CDH7: variants seen among roughly 807,000 people sequenced by gnomAD.
The protein encoded by CDH7 is cadherin 7, also known as cadherin-7.
A neutral mutation model predicts 71.8 loss-of-function variants in CDH7; 25 were observed. That is an observed-to-expected ratio of 0.35 (90% CI 0.25 to 0.49). The LOEUF (loss-of-function observed/expected upper bound fraction) is 0.49, where lower values mean the gene tolerates loss of function less well. Ranked by LOEUF, CDH7 falls within the 20% of genes least tolerant of loss-of-function variation. The pLI is 0.99. For synonymous variants in CDH7, 381 were observed against 363.8 expected, an observed-to-expected ratio of 1.05 and a Z score of -0.54; for missense variants, 862 against 974.6, an observed-to-expected ratio of 0.88 and a Z score of 1.54.
chr18:65,848,888 G>T (rs762940818), intron 7 of CDH7, among the ~76,000 whole-genome samples: 9 of 152,104 alleles, frequency 5.9e-5, no homozygotes, highest in Non-Finnish European at 1.2e-4. Flanking sequence ...CATAAAAAGT[G>T]ATAATATTAT....
intron 2 of CDH7, among the ~76,000 whole-genome samples, chr18:65,790,084 G>A (rs944783916): frequency 6.6e-6 from 1 of 151,790 alleles, no homozygotes; most frequent in Non-Finnish European, 1.5e-5. Flanking sequence ...AAAAAAATTA[G>A]CCGGGCATGG....
intron 2 of CDH7, among the ~76,000 whole-genome samples, chr18:65,797,896 G>C (rs1005247201): frequency 1.3e-5 from 2 of 152,016 alleles, no homozygotes; most frequent in Non-Finnish European, 2.9e-5. Context: ...TTCTTTTTAG[G>C]CCAGTGGCTC....
In CDH7 at chr18:65,838,324, T is replaced by G. The variant is rs569986534; in HGVS notation, c.982-5488T>G. ...CTTAGGAAAAAAGATTTACATTTAT[T>G]TGTTCAAGAAGTAGGGAAAAGCTAC... On this transcript the variant is annotated intron_variant, in intron 6 of 11. Transcript: ENST00000397968. Among the ~76,000 whole-genome samples, 13 of 152,322 alleles carry G rather than the reference T, an allele frequency of 8.5e-5. No homozygotes were observed. The East Asian group carries it at 2.5e-3, about 29-fold the overall frequency.
chr18:65,826,874 C>T (rs1912151044), intron 6 of CDH7, among the ~76,000 whole-genome samples: 1 of 151,010 alleles, frequency 6.6e-6, no homozygotes, highest in South Asian at 2.1e-4. Flanking sequence ...GTTCAAATTT[C>T]GTGTATTGTT....
chr18:65,864,120 A>T (rs1316884248), intron 11 of CDH7: 2 of 152,228 alleles, frequency 1.3e-5, no homozygotes, highest in Non-Finnish European at 2.9e-5. Flanking sequence ...TTTGCATAGA[A>T]CTTTACACAG....
chr18:65,849,683 G>T (rs1257665377), intron 7 of CDH7, among the ~76,000 whole-genome samples: 1 of 151,554 alleles, frequency 6.6e-6, no homozygotes, highest in Non-Finnish European at 1.5e-5. Flanking sequence ...AAAGTGCTGG[G>T]ATTACAGGTA....
chr18:65,805,901 A>T (rs1911300105), intron 2 of CDH7, among the ~76,000 whole-genome samples: 1 of 112,750 alleles, frequency 8.9e-6, no homozygotes. Context: ...AGGCAATGTG[A>T]GTTATTAAAA....
In CDH7 at chr18:65,809,903, C is replaced by T. The variant is rs1419693603; in HGVS notation, c.410C>T (p.Ser137Leu). Residue 137 changes from serine to leucine, a missense_variant, in exon 3 of 12, where the codon TCG becomes TTG. Physicochemically the swap from Ser to Leu is moderately radical, Grantham distance 145. Coordinates refer to ENST00000397968, the MANE Select transcript of CDH7 (RefSeq NM_004361.5). Reference protein sequence around the residue: ...RLTNKPVEPESEFVIKIQDIN... With the variant: ...RLTNKPVEPELEFVIKIQDIN... The stretch of plus-strand genomic sequence containing the variant: ...ACCAACAAACCCGTGGAGCCCGAGT[C>T]GGAGTTTGTCATCAAAATTCAGGAT... The T allele has an allele frequency of 6.2e-7, 1 of 1,613,954 alleles. No homozygotes were observed.
chr18:65,829,627 C>T (rs1055618107), intron 6 of CDH7, among the ~76,000 whole-genome samples: 5 of 151,992 alleles, frequency 3.3e-5, no homozygotes, highest in African/African-American at 1.2e-4. Context: ...CCTCCCCCTG[C>T]CTGTTGACTC....
intron 2 of CDH7, among the ~76,000 whole-genome samples, chr18:65,781,487 A>G (rs1439362336): frequency 6.6e-6 from 1 of 152,184 alleles, no homozygotes; most frequent in African/African-American, 2.4e-5. Flanking sequence ...TACACAGAAT[A>G]TTTTGTATAC....
Position 65,780,020 on chromosome 18 carries a change from A to G in CDH7, c.210+16968A>G, listed in dbSNP as rs1285819771. ...TCTAACTGGTGTGAGATTATATCTC[A>G]TAGTGGTTTTGATTTGCATCTCTCT... On this transcript the variant is annotated intron_variant, in intron 2 of 11. Coordinates refer to ENST00000397968, the MANE Select transcript of CDH7 (RefSeq NM_004361.5). Among the ~76,000 whole-genome samples, 16 of 110,828 alleles carry G rather than the reference A, an allele frequency of 1.4e-4. 4 individuals are homozygous for G. Among genetic ancestry groups the G allele is most frequent in the Admixed American group, 1.3e-3 (16 of 12,598 alleles). 72.7% of individuals were successfully genotyped at this position (110,828 alleles called of 152,430 possible).
chr18:65,763,035 C>A lies in CDH7; in HGVS notation c.193C>A (p.Pro65Thr). The change falls in exon 2 of 12, where the codon CCC becomes ACC. Residue 65 changes from proline (P) to threonine (T), a missense_variant. Physicochemically the swap from Pro to Thr is conservative, Grantham distance 38. Coordinates refer to ENST00000397968, the MANE Select transcript of CDH7 (RefSeq NM_004361.5). ...FVLEEYMGSD[P>T]LYVGKLHSDV... ...GCTGGAGGAATACATGGGTTCAGACCCCCTCTATGTAGGAAAGGTAGGGTA... is the reference window on the plus strand; with the variant it reads ...GCTGGAGGAATACATGGGTTCAGACACCCTCTATGTAGGAAAGGTAGGGTA... The A allele has an allele frequency of 6.2e-7, 1 of 1,611,824 alleles. No homozygotes were observed. Among genetic ancestry groups the A allele is most frequent in the Middle Eastern group, 1.7e-4 (1 of 5,850 alleles).
chr18:65,845,904 A>T (rs1912918679), intron 7 of CDH7, among the ~76,000 whole-genome samples: 1 of 151,988 alleles, frequency 6.6e-6, no homozygotes, highest in Non-Finnish European at 1.5e-5. Flanking sequence ...ACTGCACTCC[A>T]GCCTGGACAA....
intron 2 of CDH7, among the ~76,000 whole-genome samples, chr18:65,786,900 G>A (rs968832930): frequency 3.9e-5 from 6 of 152,050 alleles, no homozygotes; most frequent in African/African-American, 1.4e-4. Flanking sequence ...TGTTGCCCAG[G>A]CTGGTCTCGA....
chr18:65,868,782 T>C (rs1913841235), intron 11 of CDH7, among the ~76,000 whole-genome samples: 1 of 152,206 alleles, frequency 6.6e-6, no homozygotes, highest in Admixed American at 6.5e-5. Flanking sequence ...GAAACTTTTC[T>C]TCTATATTAA....
chr18:65,806,563 T>A (rs1439492204), intron 2 of CDH7, among the ~76,000 whole-genome samples: 2 of 152,132 alleles, frequency 1.3e-5, no homozygotes, highest in Non-Finnish European at 1.5e-5. Context: ...TTTTATAGGA[T>A]CATAGTTTGT....
chr18:65,870,971 C>G (rs188150746), intron 11 of CDH7, among the ~76,000 whole-genome samples: 12 of 152,212 alleles, frequency 7.9e-5, no homozygotes, highest in Admixed American at 7.9e-4. Context: ...AATTTTGCAA[C>G]CTTTTCCACA....
chr18:65,864,566 C>A (rs1205040039), intron 11 of CDH7, among the ~76,000 whole-genome samples: 1 of 151,754 alleles, frequency 6.6e-6, no homozygotes, highest in Non-Finnish European at 1.5e-5. Flanking sequence ...TTTATAGTAG[C>A]AGAATAACCT....
rs375960763 is a variant in CDH7 at position 65,757,975 on chromosome 18, G to A, written c.-196-4672G>A. Among the ~76,000 whole-genome samples the A allele has an allele frequency of 2.6e-5, 4 of 152,234 alleles. No homozygotes were observed. The South Asian group carries it at 8.3e-4, about 32-fold the overall frequency. The stretch of plus-strand genomic sequence containing the variant: ...GATAAACAACATAGACTTCTAAAGA[G>A]GGATGCAGTGTTTTTGCTTTAGGCA... On this transcript the variant is annotated intron_variant, in intron 1 of 11. Transcript: ENST00000397968.
Sources: gnomAD v4.1 joint callset for allele counts (sites outside exome capture counted in the v4.1 genomes callset) on GRCh38, gnomAD v4.1.1 for gene constraint, MANE v1.5 for transcripts, NCBI Gene and HGNC (gene_info 2026-07-23, HGNC 2026-07-21) for gene names.